Variants in MYO7A observed in about 807,000 individuals in gnomAD.
MYO7A encodes myosin VIIA.
MYO7A carries 210 observed loss-of-function variants against 263.8 expected under a neutral mutation model. The observed-to-expected ratio is 0.80, with a 90% CI of 0.71 to 0.89. The LOEUF (loss-of-function observed/expected upper bound fraction) is 0.89, where lower values mean the gene tolerates loss of function less well. Ranked by LOEUF, MYO7A falls within the 40% of genes least tolerant of loss-of-function variation. The pLI is 0.00. For missense variants in MYO7A, 2,820 were observed against 2,968.3 expected, an observed-to-expected ratio of 0.95 and a Z score of 1.16; for synonymous variants, 1,239 against 1,197.3, an observed-to-expected ratio of 1.03 and a Z score of -0.72.
At chr11:77,143,759 C>T (rs377719984) in intron 3 of MYO7A, among the ~76,000 whole-genome samples, 1 of 152,276 alleles carries the variant, frequency 6.6e-6, no homozygotes, top group South Asian at 2.1e-4. Context: ...TGGACTGAGT[C>T]CCTCTTAGCC....
At chr11:77,205,764 G>A (rs1025637564) in intron 40 of MYO7A, 147 bp downstream of exon 40, 91 of 1,120,164 alleles carry the variant, frequency 8.1e-5, no homozygotes, top group South Asian at 5.4e-4. Flanking sequence ...ACGGAGGTGC[G>A]GATCCTGCAG....
chr11:77,207,820 C>T (rs1156993318), intron 42 of MYO7A, among the ~76,000 whole-genome samples: 1 of 152,224 alleles, frequency 6.6e-6, no homozygotes, highest in African/African-American at 2.4e-5. Flanking sequence ...TCCAAGGTCA[C>T]ACAGCAGGGA....
At chr11:77,141,210 A>G (rs1160336099) in intron 2 of MYO7A, among the ~76,000 whole-genome samples, 1 of 152,240 alleles carries the variant, frequency 6.6e-6, no homozygotes, top group Non-Finnish European at 1.5e-5. Context: ...GACATTAACA[A>G]TGCATGACTG....
intron 46 of MYO7A, 100 bp downstream of exon 46, chr11:77,212,037 G>A (rs752367237): frequency 1.0e-6 from 1 of 1,000,970 alleles, no homozygotes; most frequent in South Asian, 1.4e-5. Context: ...CATGGCCTTG[G>A]ACACCTGCCC....
intron 47 of MYO7A, 125 bp from the exon 48 acceptor site, chr11:77,213,735 G>A: frequency 7.2e-7 from 1 of 1,379,680 alleles, no homozygotes; most frequent in African/African-American, 1.4e-5. Context: ...CTGGATGGCA[G>A]AGCTGGCTTT....
At chr11:77,195,805 AC>A (rs1173521751) in intron 32 of MYO7A, among the ~76,000 whole-genome samples, 1 of 152,248 alleles carries the variant, frequency 6.6e-6, no homozygotes, top group Admixed American at 6.5e-5. Flanking sequence ...GTCTGCCATA[AC>A]AAAGTGCCAC....
intron 31 of MYO7A, chr11:77,194,045 G>A (rs1389032152): frequency 3.5e-6 from 2 of 567,948 alleles, no homozygotes; most frequent in Admixed American, 4.4e-5. Flanking sequence ...TGAGTGTGCA[G>A]TGGCTGCTCG....
At position 77,162,897 on chromosome 11, in the gene MYO7A, G is replaced by T; in HGVS notation, c.1599G>T (p.Lys533Asn). The change falls in exon 14 of 49, where the codon AAG (lysine) becomes AAT (asparagine). Residue 533 changes from lysine to asparagine, a missense_variant. Lys to Asn is a moderately conservative substitution (Grantham distance 94). Transcript: ENST00000409709. ...TMLHKLNSQH[K>N]LNANYIPPKN... is the part of the protein sequence containing the mutation. ...TACACAAGCTGAACTCCCAGCACAA[G>T]CTCAACGCCAACTACATCCCCCCCA... 1.2e-6 allele frequency: 2 copies of T among 1,613,758 alleles called. No individual in the cohort carries two copies. Among genetic ancestry groups the T allele is most frequent in the Non-Finnish European group, 1.7e-6 (2 of 1,179,848 alleles).
At chr11:77,151,831 G>A (rs986615180) in intron 4 of MYO7A, among the ~76,000 whole-genome samples, 13 of 152,206 alleles carry the variant, frequency 8.5e-5, no homozygotes, top group Non-Finnish European at 1.5e-4. Context: ...CTCCTCTTCC[G>A]GAGACCCCAG....
intron 18 of MYO7A, 32 bp downstream of exon 18, chr11:77,175,496 G>T (rs1041856959): frequency 6.3e-7 from 1 of 1,593,214 alleles, no homozygotes; most frequent in South Asian, 1.1e-5. Flanking sequence ...GGGCTGCCCT[G>T]GGGGGGCTGT....
intron 4 of MYO7A, among the ~76,000 whole-genome samples, chr11:77,151,889 G>A (rs1952000088): frequency 6.6e-6 from 1 of 152,220 alleles, no homozygotes; most frequent in African/African-American, 2.4e-5. Context: ...GTTTGGGGAA[G>A]CCCAGGTGGA....
chr11:77,198,732 C>T (rs990161520), intron 34 of MYO7A, 111 bp downstream of exon 34: 34 of 1,494,032 alleles, frequency 2.3e-5, no homozygotes, highest in African/African-American at 1.8e-4. Context: ...CCTGGTTGCA[C>T]GTGATTGGGC....
chr11:77,131,404 G>A (rs1294839147), intron 2 of MYO7A, among the ~76,000 whole-genome samples: 2 of 152,228 alleles, frequency 1.3e-5, no homozygotes, highest in Non-Finnish European at 2.9e-5. Context: ...GTTTGCATAT[G>A]AGTGCGTGCG....
At chr11:77,199,495 T>G in intron 34 of MYO7A, 40 bp from the exon 35 acceptor site, 1 of 1,437,460 alleles carries the variant, frequency 7.0e-7, no homozygotes, top group Non-Finnish European at 9.2e-7. Context: ...CTCCCACTGG[T>G]TGGGGCATGA....
Position 77,204,077 on chromosome 11 carries a change from T to C in MYO7A, c.5328T>C (p.Ala1776=). 2 of 1,599,548 alleles carry C rather than the reference T, an allele frequency of 1.3e-6. No individual in the cohort carries two copies. The highest frequency in any genetic ancestry group is 1.1e-5 in the South Asian group (1 of 88,034). ...AAGCCCTTCCTTGACAGTCCCCAGCTGTGCTCAAGTACATGGGCGACTACC... is the reference window on the plus strand; with the variant it reads ...AAGCCCTTCCTTGACAGTCCCCAGCCGTGCTCAAGTACATGGGCGACTACC... The part of the protein sequence containing the change: ...LSQEACLAFI[A]VLKYMGDYPS... The change falls in exon 39 of 49, where the codon GCT becomes GCC. Residue 1776 remains alanine (A), a splice_region_variant and synonymous_variant. Transcript: ENST00000409709.
At chr11:77,203,928 G>A in intron 38 of MYO7A, 148 bp from the exon 39 acceptor site, 1 of 857,632 alleles carries the variant, frequency 1.2e-6, no homozygotes, top group Non-Finnish European at 1.8e-6. Context: ...AGAGAGGGTG[G>A]GGCAGATCAT....
chr11:77,159,842 AGTCT>A (rs1555067176), intron 10 of MYO7A, among the ~76,000 whole-genome samples: 2 of 152,170 alleles, frequency 1.3e-5, no homozygotes, highest in South Asian at 2.1e-4. Flanking sequence ...AAATGCATTG[AGTCT>A]GTCTGTCTTT....
rs576340422 is a variant in MYO7A at position 77,160,402 on chromosome 11, C to T, written c.1200+120C>T. On this transcript the variant is annotated intron_variant, in intron 11 of 48. Transcript: ENST00000409709. ...ACATCTGGGTCGCCACCCCTGCCTGCCCCGGGGCTGCAGTCGGCCTTCCTT... is the reference window on the plus strand; with the variant it reads ...ACATCTGGGTCGCCACCCCTGCCTGTCCCGGGGCTGCAGTCGGCCTTCCTT... 1.4e-5 allele frequency: 20 copies of T among 1,384,896 alleles called. No homozygotes were observed. In the African/African-American group the frequency reaches 2.6e-4, roughly 18 times the overall value. The allele number at this position is 1,384,896 out of a possible 1,614,324, so 85.8% of individuals were successfully genotyped here.
chr11:77,205,638 A>G, intron 40 of MYO7A, 21 bp downstream of exon 40: 2 of 1,612,506 alleles, frequency 1.2e-6, no homozygotes, highest in Non-Finnish European at 1.7e-6. Context: ...CACCAGGGGC[A>G]GGGACAGACA....
Sources: allele counts gnomAD v4.1 joint callset (sites outside exome capture counted in the v4.1 genomes callset), GRCh38; gene constraint gnomAD v4.1.1; transcripts MANE v1.5; gene names NCBI Gene and HGNC (gene_info 2026-07-23, HGNC 2026-07-21).